Variants in KCTD5 observed in about 807,000 individuals in gnomAD.
KCTD5 encodes the protein BTB/POZ domain-containing protein KCTD5.
KCTD5 carries 12 observed loss-of-function variants against 27.9 expected under a neutral mutation model. The ratio of observed to expected loss-of-function variants is 0.43; its 90% CI spans 0.28 to 0.70. The LOEUF (loss-of-function observed/expected upper bound fraction) is 0.70, where lower values mean the gene tolerates loss of function less well. Ranked by LOEUF, KCTD5 falls within the 30% of genes least tolerant of loss-of-function variation. KCTD5 has a pLI of 0.19. For synonymous variants in KCTD5, 147 were observed against 121.4 expected (o/e 1.21, Z -1.39); for missense variants, 226 against 274.8 (o/e 0.82, Z 1.26).
At chr16:2,702,795 C>T (rs1454331677) in intron 5 of KCTD5, among the ~76,000 whole-genome samples, 3 of 131,782 alleles carry the variant, frequency 2.3e-5, no homozygotes, top group Non-Finnish European at 5.0e-5. Flanking sequence ...TTCCCCGGGC[C>T]CAGCCTCTGC....
chr16:2,692,366 T>G (rs1022063462), intron 1 of KCTD5, among the ~76,000 whole-genome samples: 1 of 152,156 alleles, frequency 6.6e-6, no homozygotes, highest in Admixed American at 6.5e-5. Context: ...GAGGAGACTG[T>G]GGGGGCAGCT....
chr16:2,705,602 C>T (rs879744434), intron 5 of KCTD5, among the ~76,000 whole-genome samples: 10 of 152,250 alleles, frequency 6.6e-5, no homozygotes, highest in Admixed American at 2.0e-4. Context: ...CCAAATCCTG[C>T]GGCATCCCTG....
intron 4 of KCTD5, 105 bp from the exon 5 acceptor site, chr16:2,702,248 G>A: frequency 7.0e-7 from 1 of 1,425,194 alleles, no homozygotes; most frequent in Non-Finnish European, 9.7e-7. Flanking sequence ...GGCAGTCTTT[G>A]CTGTGGCTTT....
chr16:2,702,388 C>T lies in KCTD5; in HGVS notation c.585C>T (p.Asn195=), dbSNP rs202098208. ...TCGGCTCCTCTTACAACTATGGGAA[C>T]GAAGACCAAGCCGAGTTCCTCTGTG... ...VSIGSSYNYG[N]EDQAEFLCVV... Residue 195 remains asparagine (N), a synonymous_variant, in exon 5 of 6, where the codon AAC becomes AAT. Transcript: ENST00000301738. 31 of 1,613,478 alleles carry T rather than the reference C, an allele frequency of 1.9e-5. No individual in the cohort carries two copies. The highest frequency in any genetic ancestry group is 6.7e-5 in the African/African-American group (5 of 75,040).
At chr16:2,705,178 A>G (rs1050706081) in intron 5 of KCTD5, among the ~76,000 whole-genome samples, 5 of 152,126 alleles carry the variant, frequency 3.3e-5, no homozygotes, top group Non-Finnish European at 7.4e-5. Context: ...GGCTCAGATT[A>G]AGTGTGAATG....
At chr16:2,698,525 C>T (rs1286126394) in intron 3 of KCTD5, among the ~76,000 whole-genome samples, 2 of 152,236 alleles carry the variant, frequency 1.3e-5, no homozygotes, top group African/African-American at 4.8e-5. Context: ...TGGGCTCTGC[C>T]CAGTACCTCC....
Position 2,707,393 on chromosome 16 carries a change from C to A in KCTD5, c.*66C>A. 6.7e-7 allele frequency: 1 copy of A among 1,500,726 alleles called. No individual in the cohort carries two copies. Among genetic ancestry groups the A allele is most frequent in the Non-Finnish European group, 9.3e-7 (1 of 1,076,512 alleles). 93.0% of individuals were successfully genotyped at this position (1,500,726 alleles called of 1,614,324 possible). On this transcript the variant is annotated 3_prime_UTR_variant, in exon 6 of 6. Transcript: ENST00000301738. The stretch of plus-strand genomic sequence containing the variant: ...CCCGAGATGTAATGAACTGCCATGT[C>A]CAGGAAGCTTGGCTGTGAGAAGAAA...
intron 1 of KCTD5, among the ~76,000 whole-genome samples, chr16:2,690,830 C>T (rs1360167200): frequency 6.6e-6 from 1 of 152,258 alleles, no homozygotes; most frequent in Non-Finnish European, 1.5e-5. Flanking sequence ...ACCTTGCTGC[C>T]TTTGTCTCCA....
chr16:2,706,765 C>G (rs1299344553), intron 5 of KCTD5, among the ~76,000 whole-genome samples: 1 of 151,702 alleles, frequency 6.6e-6, no homozygotes, highest in Non-Finnish European at 1.5e-5. Context: ...TGGGGTAGGG[C>G]CCTCTGAGGG....
rs2067524932 is a variant in KCTD5 at position 2,682,922 on chromosome 16, C to T, written c.252+122C>T. On this transcript the variant is annotated intron_variant, in intron 1 of 5. Coordinates refer to ENST00000301738, the MANE Select transcript of KCTD5 (RefSeq NM_018992.4). ...CGGGCGACTCTCCTCGGGCTTCGAG[C>T]CCCGCGCTCCCTTGTCGCCAGCTCC... 5.7e-6 allele frequency: 7 copies of T among 1,228,026 alleles called. No individual in the cohort carries two copies. The Admixed American group carries it at 1.1e-4, about 19-fold the overall frequency. 76.1% of individuals were successfully genotyped at this position (1,228,026 alleles called of 1,614,324 possible).
chr16:2,702,316 T>G, intron 4 of KCTD5, 37 bp from the exon 5 acceptor site: 1 of 1,611,914 alleles, frequency 6.2e-7, no homozygotes, highest in Non-Finnish European at 8.5e-7. Flanking sequence ...TCTCTCAGGC[T>G]TCACTGGGCT....
chr16:2,690,472 C>T (rs978818475), intron 1 of KCTD5, among the ~76,000 whole-genome samples: 3 of 152,182 alleles, frequency 2.0e-5, no homozygotes, highest in African/African-American at 4.8e-5. Context: ...CAGTGAGACG[C>T]GGGGAAGATG....
At chr16:2,696,919 C>T (rs1399453566) in intron 2 of KCTD5, among the ~76,000 whole-genome samples, 3 of 152,234 alleles carry the variant, frequency 2.0e-5, no homozygotes, top group East Asian at 3.8e-4. Flanking sequence ...CTTGTGTTGT[C>T]GTGGAGCCGC....
intron 1 of KCTD5, among the ~76,000 whole-genome samples, chr16:2,686,893 T>TGATGTTCTGTGTAGCCAGCACTGGTGA (rs1219853360): frequency 2.6e-5 from 4 of 152,120 alleles, no homozygotes; most frequent in African/African-American, 9.7e-5. Context: ...AGATGGCAGA[T>TGATGTTCTGTGTAGCCAGCACTGGTGA]GATGTTCTGT....
rs530082601 is a variant in KCTD5, at chr16:2,706,301, C to T, written c.676-997C>T. 4.6e-5 allele frequency among the ~76,000 whole-genome samples: 7 copies of T among 152,284 alleles called. No individual in the cohort carries two copies. The East Asian group carries it at 5.8e-4, about 13-fold the overall frequency. ...GCACCTCTCACCACTGCCCTCTCTC[C>T]GGTCAGTGCGGCATGGCAGTGACCT... is the stretch of plus-strand genomic sequence containing the variant. On this transcript the variant is annotated intron_variant, in intron 5 of 5. Transcript: ENST00000301738.
intron 5 of KCTD5, among the ~76,000 whole-genome samples, chr16:2,704,031 A>G (rs978775225): frequency 6.6e-6 from 1 of 152,208 alleles, no homozygotes; most frequent in African/African-American, 2.4e-5. Flanking sequence ...CTGGGCTCCT[A>G]TCCCTCAGGT....
At chr16:2,703,873 G>C (rs975408694) in intron 5 of KCTD5, among the ~76,000 whole-genome samples, 1 of 152,206 alleles carries the variant, frequency 6.6e-6, no homozygotes, top group Non-Finnish European at 1.5e-5. Flanking sequence ...CTCGGATCTA[G>C]GAGGCGACCC....
intron 1 of KCTD5, 37 bp downstream of exon 1, chr16:2,682,837 C>A: frequency 6.5e-7 from 1 of 1,540,198 alleles, no homozygotes; most frequent in Non-Finnish European, 8.7e-7. Flanking sequence ...GGGTCCTGGC[C>A]TTCCCGGCCT....
At chr16:2,706,711 C>T (rs895340260) in intron 5 of KCTD5, among the ~76,000 whole-genome samples, 7 of 151,492 alleles carry the variant, frequency 4.6e-5, no homozygotes, top group East Asian at 1.9e-4. Context: ...GCAGGGCTGA[C>T]GTGGTACAGA....
Sources: allele counts gnomAD v4.1 joint callset (sites outside exome capture counted in the v4.1 genomes callset), GRCh38; gene constraint gnomAD v4.1.1; transcripts MANE v1.5; gene names NCBI Gene and HGNC (gene_info 2026-07-23, HGNC 2026-07-21).